The following LCN1 variants were observed in gnomAD, a reference collection of about 807,000 sequenced individuals.
LCN1 encodes the protein lipocalin-1.
A neutral mutation model predicts 22.3 loss-of-function variants in LCN1; 25 were observed. That is an observed-to-expected ratio of 1.12 (90% CI 0.82 to 1.56). The LOEUF (loss-of-function observed/expected upper bound fraction) is 1.56. Among genes scored for constraint, LCN1 ranks in the 40% most tolerant of loss-of-function variants. LCN1 has a pLI of 0.00. For missense variants in LCN1, 219 were observed against 235.6 expected (o/e 0.93, Z 0.46); for synonymous variants, 85 against 97.6 (o/e 0.87, Z 0.76).
chr9:135,523,892 AC>A lies in LCN1; in HGVS notation c.306del (p.His102GlnfsTer10). On this transcript the variant is annotated frameshift_variant, in exon 4 of 7. Transcript: ENST00000371781. LOFTEE classifies it high-confidence loss of function. The stretch of plus-strand genomic sequence containing the variant: ...TGTCTTTCTGCAGACGGGGGCAAGC[AC>A]GTGGCATACATCATCAGGTCGCACG... ...PGKYTADGGK[H>X]VAYIIRSHVK... 1 of 1,614,070 alleles carries A rather than the reference AC, an allele frequency of 6.2e-7. No homozygotes were observed. Among genetic ancestry groups the A allele is most frequent in the African/African-American group, 1.3e-5 (1 of 75,046 alleles).
chr9:135,526,447 G>T lies in LCN1; in HGVS notation c.*105G>T, dbSNP rs895633009. The T allele has an allele frequency of 1.6e-6, 2 of 1,285,690 alleles. No individual in the cohort carries two copies. The highest frequency in any genetic ancestry group is 4.6e-5 in the Admixed American group (2 of 43,352). The allele number at this position is 1,285,690 out of a possible 1,614,324, so 79.6% of individuals were successfully genotyped here. A position where few individuals can be genotyped will look rare whatever the true frequency, so the allele number is the denominator to read the frequency against. On this transcript the variant is annotated 3_prime_UTR_variant, in exon 7 of 7. Coordinates refer to ENST00000371781, the MANE Select transcript of LCN1 (RefSeq NM_002297.4). Reference sequence around the variant, plus strand: ...AAGCTCCCCACCCCTGCAGAACGCGGCTGGCTGCACCCCTTCCTACCACCC... The same window carrying T: ...AAGCTCCCCACCCCTGCAGAACGCGTCTGGCTGCACCCCTTCCTACCACCC...
In LCN1 at chr9:135,523,015, G is replaced by A. The variant is rs187999684; in HGVS notation, c.222-217G>A. ...TGGGAAGGCAGCCACCAGGAGGAGC[G>A]GTGCAGAGCTCCTGGCCATCTCGGG... is the stretch of plus-strand genomic sequence containing the variant. On this transcript the variant is annotated intron_variant, in intron 2 of 6. Transcript: ENST00000371781. Among the ~76,000 whole-genome samples the A allele has an allele frequency of 2.0e-3, 309 of 152,052 alleles. 1 individual carries two copies. Among genetic ancestry groups the A allele is most frequent in the Middle Eastern group, 0.01 (3 of 294 alleles).
chr9:135,525,418 G>A lies in LCN1; in HGVS notation c.*1+260G>A, dbSNP rs371075157. ...GCCTTTGCTGGCTGCTGGTGGAGAC[G>A]GTGTCTACCCCCCAGTCACATGGGC... On this transcript the variant is annotated intron_variant, in intron 6 of 6. Transcript: ENST00000371781. Among the ~76,000 whole-genome samples, 7 of 152,242 alleles carry A rather than the reference G, an allele frequency of 4.6e-5. No homozygotes were observed. In the East Asian group the frequency reaches 9.7e-4, roughly 21 times the overall value.
rs548879365 is a variant in LCN1, at chr9:135,526,470, C to G, written c.*128C>G. 4.7e-6 allele frequency: 6 copies of G among 1,277,386 alleles called. No homozygotes were observed. The South Asian group carries it at 7.5e-5, about 16-fold the overall frequency. The allele number at this position is 1,277,386 out of a possible 1,614,324, so 79.1% of individuals were successfully genotyped here. A position where few individuals can be genotyped will look rare whatever the true frequency, so the allele number is the denominator to read the frequency against. On this transcript the variant is annotated 3_prime_UTR_variant, in exon 7 of 7. Transcript: ENST00000371781. ...CGGCTGGCTGCACCCCTTCCTACCACCCCCCGCCTTCCCCCTGCCCTGCGC... is the reference window on the plus strand; with the variant it reads ...CGGCTGGCTGCACCCCTTCCTACCAGCCCCCGCCTTCCCCCTGCCCTGCGC...
intron 3 of LCN1, 128 bp downstream of exon 3, chr9:135,523,430 GC>G: frequency 1.3e-6 from 1 of 755,146 alleles, no homozygotes. Flanking sequence ...TCCACTAAAA[GC>G]CCACTCTCTT....
rs151184622 is a variant in LCN1, at chr9:135,525,237, C to T, written c.*1+79C>T. 879 of 1,425,334 alleles carry T rather than the reference C, an allele frequency of 6.2e-4. 2 individuals are homozygous for T. In the African/African-American group the frequency reaches 0.01, roughly 16 times the overall value. 88.3% of individuals were successfully genotyped at this position (1,425,334 alleles called of 1,614,324 possible). ...GGTGCTTCCAGAGGCCATGGGGTCT[C>T]TCCCACCCATCCCACTCCTACCTGG... is the stretch of plus-strand genomic sequence containing the variant. On this transcript the variant is annotated intron_variant, in intron 6 of 6. Transcript: ENST00000371781.
intron 2 of LCN1, among the ~76,000 whole-genome samples, 174 bp from the exon 3 acceptor site, chr9:135,523,058 G>A (rs1181424467): frequency 2.6e-5 from 4 of 152,206 alleles, no homozygotes; most frequent in South Asian, 2.1e-4. Flanking sequence ...GGGAACTGCC[G>A]CATGGGACCC....
At position 135,522,130 on chromosome 9, in the gene LCN1, C is replaced by T; in HGVS notation, c.174C>T (p.Thr58=). The T allele has an allele frequency of 2.5e-6, 4 of 1,599,472 alleles. No individual in the cohort carries two copies. The highest frequency in any genetic ancestry group is 3.4e-6 in the Non-Finnish European group (4 of 1,173,192). The change falls in exon 2 of 7, where the codon ACC becomes ACT. Residue 58 remains threonine, a synonymous_variant. Coordinates refer to ENST00000371781, the MANE Select transcript of LCN1 (RefSeq NM_002297.4). ...ATCTGGAATCGGTGACACCCATGACCCTCACGACCCTGGAAGGGGGCAACC... is the reference window on the plus strand; with the variant it reads ...ATCTGGAATCGGTGACACCCATGACTCTCACGACCCTGGAAGGGGGCAACC... ...EMNLESVTPM[T]LTTLEGGNLE... is the part of the protein sequence containing the mutation.
rs565875558 is a variant in LCN1, at chr9:135,522,788, C to T, written c.222-444C>T. Among the ~76,000 whole-genome samples the T allele has an allele frequency of 9.2e-5, 14 of 152,314 alleles. No individual in the cohort carries two copies. The East Asian group carries it at 2.7e-3, about 29-fold the overall frequency. On this transcript the variant is annotated intron_variant, in intron 2 of 6. Coordinates refer to ENST00000371781, the MANE Select transcript of LCN1 (RefSeq NM_002297.4). ...AAGTCACTGACCCTGGCAATGACCC[C>T]GATTTTTTTTTCCCCCAAAGCCCCT... is the stretch of plus-strand genomic sequence containing the variant.
Position 135,522,096 on chromosome 9 carries a change from C to G in LCN1, c.140C>G (p.Pro47Arg). 1 of 1,595,560 alleles carries G rather than the reference C, an allele frequency of 6.3e-7. No individual in the cohort carries two copies. The highest frequency in any genetic ancestry group is 8.5e-7 in the Non-Finnish European group (1 of 1,171,354). ...GCCATGACGGTGGACAGGGAGTTCC[C>G]TGAGATGAATCTGGAATCGGTGACA... ...LKAMTVDREF[P>R]EMNLESVTPM... The change falls in exon 2 of 7, where the codon CCT becomes CGT. Residue 47 changes from proline to arginine, a missense_variant. Coordinates refer to ENST00000371781, the MANE Select transcript of LCN1 (RefSeq NM_002297.4).
chr9:135,526,457 C>A lies in LCN1; in HGVS notation c.*115C>A. On this transcript the variant is annotated 3_prime_UTR_variant, in exon 7 of 7. Coordinates refer to ENST00000371781, the MANE Select transcript of LCN1 (RefSeq NM_002297.4). ...CCCCTGCAGAACGCGGCTGGCTGCACCCCTTCCTACCACCCCCCGCCTTCC... is the reference window on the plus strand; with the variant it reads ...CCCCTGCAGAACGCGGCTGGCTGCAACCCTTCCTACCACCCCCCGCCTTCC... 1.6e-6 allele frequency: 2 copies of A among 1,283,702 alleles called. No homozygotes were observed. The highest frequency in any genetic ancestry group is 2.0e-6 in the Non-Finnish European group (2 of 984,810). The allele number at this position is 1,283,702 out of a possible 1,614,324, so 79.5% of individuals were successfully genotyped here.
intron 2 of LCN1, among the ~76,000 whole-genome samples, chr9:135,522,639 C>T (rs1831528925): frequency 6.6e-6 from 1 of 152,218 alleles, no homozygotes; most frequent in South Asian, 2.1e-4. Flanking sequence ...GCGGCTCTCA[C>T]CTGGGCTGCT....
In LCN1 at chr9:135,523,297, C is replaced by T. The variant is rs373103672; in HGVS notation, c.287C>T (p.Thr96Met). 1.6e-5 allele frequency: 26 copies of T among 1,612,698 alleles called. No individual in the cohort carries two copies. The highest frequency in any genetic ancestry group is 1.3e-4 in the South Asian group (12 of 90,856). The stretch of plus-strand genomic sequence containing the variant: ...AAAACTGACGAGCCGGGAAAATACA[C>T]GGCCGGTGAGTCCCGGGGCCTGAGC... ...LEKTDEPGKY[T>M]ADGGKHVAYI... Residue 96 changes from threonine (T) to methionine (M), a missense_variant, in exon 3 of 7, where the codon ACG becomes ATG. Coordinates refer to ENST00000371781, the MANE Select transcript of LCN1 (RefSeq NM_002297.4).
At chr9:135,524,754 A>C in intron 4 of LCN1, 76 bp from the exon 5 acceptor site, 1 of 1,167,916 alleles carries the variant, frequency 8.6e-7, no homozygotes, top group African/African-American at 1.5e-5. Context: ...AGCCCAGCTC[A>C]GGCCTCCAGA....
At chr9:135,525,735 A>T (rs1564231280) in intron 6 of LCN1, among the ~76,000 whole-genome samples, 1 of 151,844 alleles carries the variant, frequency 6.6e-6, no homozygotes, top group Admixed American at 6.6e-5. Flanking sequence ...CTCAGCAGGG[A>T]GCTCTGTCAG....
At chr9:135,523,140 G>A (rs1831540575) in intron 2 of LCN1, 92 bp from the exon 3 acceptor site, 4 of 1,184,992 alleles carry the variant, frequency 3.4e-6, no homozygotes, top group Non-Finnish European at 4.8e-6. Context: ...GCAGACTCGG[G>A]GCCACATTTG....
intron 2 of LCN1, among the ~76,000 whole-genome samples, chr9:135,522,579 A>C (rs1831526986): frequency 6.6e-6 from 1 of 152,208 alleles, no homozygotes; most frequent in Non-Finnish European, 1.5e-5. Flanking sequence ...GCATAGGAGA[A>C]GACACCATGG....
rs761914767 is a variant in LCN1 at position 135,526,495 on chromosome 9, C to T, written c.*153C>T. 3.1e-6 allele frequency: 4 copies of T among 1,273,462 alleles called. No homozygotes were observed. In the South Asian group the frequency reaches 3.8e-5, roughly 12 times the overall value. The allele number at this position is 1,273,462 out of a possible 1,614,324, so 78.9% of individuals were successfully genotyped here. A position where few individuals can be genotyped will look rare whatever the true frequency, so the allele number is the denominator to read the frequency against. On this transcript the variant is annotated 3_prime_UTR_variant, in exon 7 of 7. Transcript: ENST00000371781. ...CCCCCCGCCTTCCCCCTGCCCTGCG[C>T]CCCCTCTCCTGGTTCTCCATAAAGA...
chr9:135,523,738 G>A, intron 3 of LCN1, 142 bp from the exon 4 acceptor site: 1 of 697,892 alleles, frequency 1.4e-6, no homozygotes, highest in Non-Finnish European at 2.5e-6. Context: ...GGCCTGGTGG[G>A]GAACCTGGGT....
Sources: allele counts gnomAD v4.1 joint callset (sites outside exome capture counted in the v4.1 genomes callset), GRCh38; gene constraint gnomAD v4.1.1; transcripts MANE v1.5; gene names NCBI Gene and HGNC (gene_info 2026-07-23, HGNC 2026-07-21).